The following S100A8 variants were observed in gnomAD, a reference collection of about 807,000 sequenced individuals.
S100A8 encodes S100 calcium binding protein A8, also known as protein S100-A8.
Under a neutral mutation model 4.2 loss-of-function variants are expected in S100A8, and 1 was observed. That is an observed-to-expected ratio of 0.24 (90% CI 0.08 to 1.12). S100A8 has a LOEUF of 1.12. Ranked by LOEUF, S100A8 falls within the 50% of genes most tolerant of loss-of-function variation. The probability of loss-of-function intolerance (pLI) is 0.53; values close to 1 mark genes in which losing one functional copy is unlikely to be tolerated. For synonymous variants in S100A8, 41 were observed against 44.7 expected (o/e 0.92, Z 0.33); for missense variants, 96 against 111.8 (o/e 0.86, Z 0.64).
the S100A8 span, chr1:153,421,002 T>C: frequency 3.3e-5 from 5 of 152,316 alleles, no homozygotes; most frequent in African/African-American, 1.2e-4. Flanking sequence ...AGAACCGTCA[T>C]GCCAGGGTCC....
At chr1:153,407,167 G>A in the S100A8 span, among the ~76,000 whole-genome samples, 2 of 152,204 alleles carry the variant, frequency 1.3e-5, no homozygotes, top group Non-Finnish European at 2.9e-5. Context: ...GAAGCAGGGT[G>A]AGCATCACCT....
chr1:153,421,771 C>T, the S100A8 span: 2 of 152,252 alleles, frequency 1.3e-5, no homozygotes, highest in African/African-American at 4.8e-5. Flanking sequence ...TTGGCCACTC[C>T]TAATGTGGGC....
chr1:153,405,057 T>C, the S100A8 span, among the ~76,000 whole-genome samples: 1 of 151,798 alleles, frequency 6.6e-6, no homozygotes, highest in Non-Finnish European at 1.5e-5. Flanking sequence ...CCTACAGTCC[T>C]CCTTGGCCAA....
the S100A8 span, among the ~76,000 whole-genome samples, chr1:153,412,569 G>A: frequency 6.6e-6 from 1 of 152,194 alleles, no homozygotes; most frequent in Admixed American, 6.5e-5. Context: ...GGAAGACAGT[G>A]TGGCGATTCC....
upstream of S100A8, among the ~76,000 whole-genome samples, chr1:153,394,878 C>G (rs984577244): frequency 1.3e-5 from 2 of 152,140 alleles, no homozygotes; most frequent in African/African-American, 4.8e-5. Context: ...TGGTATATCA[C>G]CCCCCAACAC....
chr1:153,396,102 T>C, the S100A8 span, among the ~76,000 whole-genome samples: 5 of 152,194 alleles, frequency 3.3e-5, no homozygotes, highest in Admixed American at 3.3e-4. Flanking sequence ...GGGGACTGTC[T>C]CCCTATCAGA....
the S100A8 span, among the ~76,000 whole-genome samples, chr1:153,412,455 G>T: frequency 7.8e-4 from 119 of 152,298 alleles, 2 homozygotes; most frequent in East Asian, 0.02. Flanking sequence ...CAGTTAGAAT[G>T]GCGATCATTA....
chr1:153,418,260 C>G, the S100A8 span: 2 of 1,604,998 alleles, frequency 1.2e-6, no homozygotes, highest in Admixed American at 1.7e-5. Flanking sequence ...TTGGTTGGAC[C>G]CTGGCATGGC....
chr1:153,420,064 T>A, the S100A8 span: 9 of 152,262 alleles, frequency 5.9e-5, no homozygotes, highest in Admixed American at 4.6e-4. Context: ...TGAGGAGCTC[T>A]AAGTGGTCCA....
chr1:153,406,772 G>A, the S100A8 span, among the ~76,000 whole-genome samples: 144 of 152,276 alleles, frequency 9.5e-4, no homozygotes, highest in African/African-American at 3.2e-3. Context: ...CTCTCCTGGG[G>A]GATCAGCAGT....
At chr1:153,418,212 C>A in the S100A8 span, 6 of 1,614,008 alleles carry the variant, frequency 3.7e-6, no homozygotes, top group Non-Finnish European at 5.1e-6. Flanking sequence ...CCCCAATTTC[C>A]TCAGTGCCTG....
chr1:153,393,133 A>T (rs1352362722), upstream of S100A8, among the ~76,000 whole-genome samples: 7 of 152,114 alleles, frequency 4.6e-5, no homozygotes, highest in Non-Finnish European at 1.0e-4. Flanking sequence ...ATGTGACAGC[A>T]TCCACTTCCT....
At position 153,390,472 on chromosome 1, in the gene S100A8, T is replaced by A; in HGVS notation, c.64A>T (p.Ile22Leu). Residue 22 changes from isoleucine to leucine, a missense_variant, in exon 2 of 3, where the codon ATA becomes TTA. By Grantham distance (5) the Ile-to-Leu change is conservative. Coordinates refer to ENST00000368733, the MANE Select transcript of S100A8 (RefSeq NM_002964.5). ...TAGACGGCATGGAAATTCCCCTTTA[T>A]CAGGGAGTACTTGTGGTAGACGTCG... ...IIDVYHKYSL[I>L]KGNFHAVYRD... 6.2e-7 allele frequency: 1 copy of A among 1,614,192 alleles called. No homozygotes were observed. Among genetic ancestry groups the A allele is most frequent in the East Asian group, 2.2e-5 (1 of 44,882 alleles).
the S100A8 span, among the ~76,000 whole-genome samples, chr1:153,409,165 T>G: frequency 6.6e-6 from 1 of 152,124 alleles, no homozygotes; most frequent in Non-Finnish European, 1.5e-5. Flanking sequence ...ATGCTCCAAT[T>G]AAAAGACACA....
chr1:153,401,601 C>T, the S100A8 span, among the ~76,000 whole-genome samples: 2 of 152,134 alleles, frequency 1.3e-5, no homozygotes, highest in Admixed American at 1.3e-4. Flanking sequence ...CATCCAGAAG[C>T]CAGTACAGCA....
the S100A8 span, among the ~76,000 whole-genome samples, chr1:153,411,779 C>T: frequency 4.6e-5 from 7 of 152,168 alleles, no homozygotes; most frequent in African/African-American, 1.7e-4. Context: ...GGTACCAAAA[C>T]AGAGGTATAG....
chr1:153,398,156 G>A, the S100A8 span, among the ~76,000 whole-genome samples: 2 of 152,094 alleles, frequency 1.3e-5, no homozygotes, highest in South Asian at 2.1e-4. Context: ...GGAGATGACA[G>A]TCCAGACACC....
the S100A8 span, chr1:153,419,026 A>G: frequency 3.7e-5 from 40 of 1,095,640 alleles, no homozygotes; most frequent in Middle Eastern, 2.1e-4. Context: ...TCTCAGCCCC[A>G]CGACCATGCC....
the S100A8 span, among the ~76,000 whole-genome samples, chr1:153,405,021 A>T: frequency 6.6e-6 from 1 of 152,030 alleles, no homozygotes; most frequent in Non-Finnish European, 1.5e-5. Context: ...TGTAACAGGA[A>T]CAGCCCTTAC....
Sources: gnomAD v4.1 joint callset for allele counts (sites outside exome capture counted in the v4.1 genomes callset) on GRCh38, gnomAD v4.1.1 for gene constraint, MANE v1.5 for transcripts, NCBI Gene and HGNC (gene_info 2026-07-23, HGNC 2026-07-21) for gene names.